NKAIN3: variants seen among roughly 807,000 people sequenced by gnomAD.
The protein encoded by NKAIN3 is sodium/potassium-transporting ATPase subunit beta-1-interacting protein 3.
NKAIN3 carries 25 observed loss-of-function variants against 30.2 expected under a neutral mutation model. The ratio of observed to expected loss-of-function variants is 0.83; its 90% CI spans 0.60 to 1.16. NKAIN3 has a LOEUF of 1.16. Ranked by LOEUF, NKAIN3 falls within the 50% of genes most tolerant of loss-of-function variation. The pLI is 0.00. For missense variants in NKAIN3, 225 were observed against 254.1 expected, an observed-to-expected ratio of 0.89 and a Z score of 0.78; for synonymous variants, 91 against 89.6, an observed-to-expected ratio of 1.02 and a Z score of -0.09.
chr8:62,794,277 G>A (rs1202979846), intron 4 of NKAIN3, among the ~76,000 whole-genome samples: 1 of 152,054 alleles, frequency 6.6e-6, no homozygotes, highest in Non-Finnish European at 1.5e-5. Context: ...TTCTAGTCTG[G>A]CTCCAATAAA....
chr8:62,761,049 A>T (rs1311158966), intron 4 of NKAIN3, among the ~76,000 whole-genome samples: 1 of 152,080 alleles, frequency 6.6e-6, no homozygotes, highest in Non-Finnish European at 1.5e-5. Context: ...TTCTCCTAGT[A>T]GGTTTGTCCT....
chr8:62,884,681 T>G (rs1042454031), intron 4 of NKAIN3, among the ~76,000 whole-genome samples: 1 of 152,230 alleles, frequency 6.6e-6, no homozygotes, highest in African/African-American at 2.4e-5. Context: ...GATATAGCCC[T>G]GTTTAAATTA....
intron 4 of NKAIN3, among the ~76,000 whole-genome samples, chr8:62,850,887 C>G (rs62510775): frequency 1.3e-5 from 2 of 151,904 alleles, no homozygotes; most frequent in Non-Finnish European, 2.9e-5. Context: ...AGTCAGGTAG[C>G]GTGATGCCTC....
chr8:62,541,096 G>C (rs973775166), intron 1 of NKAIN3, among the ~76,000 whole-genome samples: 4 of 152,036 alleles, frequency 2.6e-5, no homozygotes, highest in Non-Finnish European at 5.9e-5. Context: ...GATCACTTGA[G>C]GTCAGGAGTT....
At chr8:62,658,241 C>T (rs1170981009) in intron 3 of NKAIN3, among the ~76,000 whole-genome samples, 2 of 152,100 alleles carry the variant, frequency 1.3e-5, no homozygotes, top group Non-Finnish European at 1.5e-5. Context: ...TTAATCTCCC[C>T]GGGCATTAAG....
At chr8:62,614,871 C>G (rs1811402226) in intron 3 of NKAIN3, among the ~76,000 whole-genome samples, 1 of 152,122 alleles carries the variant, frequency 6.6e-6, no homozygotes. Flanking sequence ...GTCATGAATG[C>G]TTCCTGGACT....
chr8:62,379,674 G>T (rs962367861), intron 1 of NKAIN3, among the ~76,000 whole-genome samples: 1 of 149,000 alleles, frequency 6.7e-6, no homozygotes, highest in Non-Finnish European at 1.5e-5. Flanking sequence ...TGCTATGACT[G>T]TAAGTTTCCT....
At chr8:62,310,677 T>C (rs937889279) in intron 1 of NKAIN3, among the ~76,000 whole-genome samples, 4 of 150,372 alleles carry the variant, frequency 2.7e-5, no homozygotes, top group African/African-American at 5.0e-5. Context: ...GATCAGGTAC[T>C]GAATAAGTAG....
intron 4 of NKAIN3, among the ~76,000 whole-genome samples, chr8:62,831,858 T>A (rs1819207219): frequency 6.6e-6 from 1 of 151,930 alleles, no homozygotes; most frequent in African/African-American, 2.4e-5. Flanking sequence ...ATATAAGAAA[T>A]CCAGAGAACA....
intron 3 of NKAIN3, among the ~76,000 whole-genome samples, chr8:62,713,289 T>C (rs563749200): frequency 5.3e-4 from 81 of 152,330 alleles, no homozygotes; most frequent in Non-Finnish European, 1.0e-3. Context: ...TTGCACGTAG[T>C]AGACACTTAC....
At chr8:62,511,402 C>G (rs1304139377) in intron 1 of NKAIN3, among the ~76,000 whole-genome samples, 2 of 152,174 alleles carry the variant, frequency 1.3e-5, no homozygotes, top group Non-Finnish European at 2.9e-5. Context: ...GCAGGCCACT[C>G]TCAGATGCCA....
intron 4 of NKAIN3, among the ~76,000 whole-genome samples, chr8:62,787,140 G>T (rs564871316): frequency 5.3e-5 from 8 of 152,104 alleles, no homozygotes; most frequent in Non-Finnish European, 1.0e-4. Flanking sequence ...ATTCATTGTG[G>T]CTTGAGGGAA....
intron 1 of NKAIN3, among the ~76,000 whole-genome samples, chr8:62,407,433 G>GCTC (rs34957398): frequency 0.18 from 167 of 946 alleles, no homozygotes; most frequent in African/African-American, 0.39. Context: ...ACGGAGTCTC[G>GCTC]TGTCACCGGG....
At chr8:62,891,544 A>G (rs972714751) in intron 4 of NKAIN3, among the ~76,000 whole-genome samples, 4 of 152,120 alleles carry the variant, frequency 2.6e-5, no homozygotes, top group African/African-American at 9.7e-5. Context: ...ATATACACCT[A>G]TCCTATTAGT....
At chr8:62,891,584 C>G (rs1439005111) in intron 4 of NKAIN3, among the ~76,000 whole-genome samples, 1 of 152,160 alleles carries the variant, frequency 6.6e-6, no homozygotes, top group African/African-American at 2.4e-5. Context: ...CTGACTAATA[C>G]AGCAAGTGTC....
intron 4 of NKAIN3, among the ~76,000 whole-genome samples, chr8:62,831,425 G>A (rs967445974): frequency 1.1e-4 from 17 of 152,024 alleles, no homozygotes; most frequent in Non-Finnish European, 1.5e-4. Flanking sequence ...TTCAAAGCAT[G>A]GATTGTAAGG....
At chr8:62,493,381 A>G (rs781700356) in intron 1 of NKAIN3, among the ~76,000 whole-genome samples, 3 of 151,948 alleles carry the variant, frequency 2.0e-5, no homozygotes, top group Non-Finnish European at 2.9e-5. Context: ...CCACTTGTCT[A>G]TGTGTCTGTT....
At position 62,488,451 on chromosome 8, in the gene NKAIN3, G is replaced by A. The variant is rs543672575; in HGVS notation, c.55-91088G>A. ...ACTGTTCATTGCCCCATCCCTAATA[G>A]GCAGCAAGCTCTTTGACAGCTAAAA... On this transcript the variant is annotated intron_variant, in intron 1 of 6. Coordinates refer to ENST00000623646, the MANE Select transcript of NKAIN3 (RefSeq NM_001304533.3). Among the ~76,000 whole-genome samples the A allele has an allele frequency of 3.9e-5, 6 of 152,180 alleles. No homozygotes were observed. In the South Asian group the frequency reaches 8.3e-4, roughly 21 times the overall value.
At chr8:62,416,142 C>T (rs1233881900) in intron 1 of NKAIN3, among the ~76,000 whole-genome samples, 4 of 152,134 alleles carry the variant, frequency 2.6e-5, no homozygotes, top group Non-Finnish European at 5.9e-5. Flanking sequence ...TGATCTTAGC[C>T]TTTCTGGGAA....
Sources: gnomAD v4.1 joint callset for allele counts (sites outside exome capture counted in the v4.1 genomes callset) on GRCh38, gnomAD v4.1.1 for gene constraint, MANE v1.5 for transcripts, NCBI Gene and HGNC (gene_info 2026-07-23, HGNC 2026-07-21) for gene names.